The following PRKACB variants were observed in gnomAD, a reference collection of about 807,000 sequenced individuals.
The protein encoded by PRKACB is cAMP-dependent protein kinase catalytic subunit beta.
PRKACB carries 16 observed loss-of-function variants against 51.4 expected under a neutral mutation model. The observed-to-expected ratio is 0.31, with a 90% CI of 0.21 to 0.47. PRKACB has a LOEUF of 0.47. Ranked by LOEUF, PRKACB falls within the 20% of genes least tolerant of loss-of-function variation. The pLI is 1.00. For missense variants in PRKACB, 309 were observed against 464.5 expected, an observed-to-expected ratio of 0.67 and a Z score of 3.08; for synonymous variants, 147 against 154.4, an observed-to-expected ratio of 0.95 and a Z score of 0.35.
chr1:84,196,491 C>T, intron 5 of PRKACB, 125 bp from the exon 6 acceptor site: 1 of 948,068 alleles, frequency 1.1e-6, no homozygotes, highest in Non-Finnish European at 1.5e-6. Context: ...TCTTTACATA[C>T]TTTTTAAAAA....
At chr1:84,167,397 A>G (rs1027794366) in intron 1 of PRKACB, among the ~76,000 whole-genome samples, 4 of 151,546 alleles carry the variant, frequency 2.6e-5, no homozygotes, top group African/African-American at 9.7e-5. Context: ...GCCATACTAT[A>G]TTACATATAA....
At chr1:84,232,433 A>G (rs947165618) in intron 9 of PRKACB, among the ~76,000 whole-genome samples, 21 of 152,188 alleles carry the variant, frequency 1.4e-4, no homozygotes, top group African/African-American at 5.1e-4. Context: ...GATGTCTATT[A>G]GGTCCACTTG....
chr1:84,084,827 C>T (rs1037565472), intron 1 of PRKACB, among the ~76,000 whole-genome samples: 4 of 152,030 alleles, frequency 2.6e-5, no homozygotes, highest in African/African-American at 4.8e-5. Flanking sequence ...TTACTGAACT[C>T]GGGATACCCG....
At chr1:84,234,351 T>A (rs1676326130) in intron 9 of PRKACB, among the ~76,000 whole-genome samples, 1 of 152,164 alleles carries the variant, frequency 6.6e-6, no homozygotes, top group Admixed American at 6.5e-5. Context: ...TCTGCAGAGG[T>A]TACTGCTGTC....
rs565035709 is a variant in PRKACB at position 84,162,149 on chromosome 1, A to G, written c.188-17028A>G. Among the ~76,000 whole-genome samples, 9 of 152,046 alleles carry G rather than the reference A, an allele frequency of 5.9e-5. No homozygotes were observed. In the South Asian group the frequency reaches 1.9e-3, roughly 32 times the overall value. ...CTGCCTTCTGGCCCTACTTATTTCT[A>G]ATGAGAAGTCATTAATCATATTTTT... is the stretch of plus-strand genomic sequence containing the variant. On this transcript the variant is annotated intron_variant, in intron 1 of 9. Coordinates refer to ENST00000370685, the MANE Select transcript of PRKACB (RefSeq NM_182948.4).
chr1:84,085,432 A>G lies in PRKACB; in HGVS notation c.46+7061A>G, dbSNP rs1387868135. On this transcript the variant is annotated intron_variant, in intron 1 of 8. Coordinates refer to the PRKACB transcript ENST00000370688. ...AATCTCCAAGTGACGGTATAAAATC[A>G]AGAGGGATGGATTGGATAATGACAC... Among the ~76,000 whole-genome samples the G allele has an allele frequency of 2.0e-5, 3 of 152,224 alleles. No individual in the cohort carries two copies. In the East Asian group the frequency reaches 5.8e-4, roughly 29 times the overall value.
intron 1 of PRKACB, among the ~76,000 whole-genome samples, chr1:84,108,568 C>G (rs1003320843): frequency 6.6e-6 from 1 of 151,766 alleles, no homozygotes; most frequent in Non-Finnish European, 1.5e-5. Flanking sequence ...TACCAGACAC[C>G]ATTATAAGTG....
chr1:84,123,774 A>G (rs1332145926), intron 1 of PRKACB, among the ~76,000 whole-genome samples: 1 of 152,208 alleles, frequency 6.6e-6, no homozygotes, highest in Admixed American at 6.5e-5. Context: ...CATGTGAAAC[A>G]CTTAGAATGA....
intron 1 of PRKACB, among the ~76,000 whole-genome samples, chr1:84,115,884 C>T (rs1189120489): frequency 2.4e-4 from 5 of 20,712 alleles, no homozygotes; most frequent in East Asian, 2.0e-3. Flanking sequence ...AAACTCTTGT[C>T]TCAAAAAAAA....
intron 5 of PRKACB, among the ~76,000 whole-genome samples, chr1:84,195,095 G>T (rs1019026538): frequency 1.3e-5 from 2 of 152,038 alleles, no homozygotes; most frequent in African/African-American, 2.4e-5. Flanking sequence ...AAAGTAAGAG[G>T]GGACCTCCCA....
chr1:84,134,011 A>C (rs947321697), intron 1 of PRKACB, among the ~76,000 whole-genome samples: 2 of 152,196 alleles, frequency 1.3e-5, no homozygotes, highest in African/African-American at 4.8e-5. Context: ...TGCTGATGGA[A>C]GTGGCTCTCA....
intron 1 of PRKACB, among the ~76,000 whole-genome samples, chr1:84,083,958 T>C (rs1434252191): frequency 6.6e-6 from 1 of 152,174 alleles, no homozygotes; most frequent in African/African-American, 2.4e-5. Context: ...AAAGATTGAA[T>C]AGGACAGAGT....
In PRKACB at chr1:84,184,250, G is replaced by T. The variant is rs574771521; in HGVS notation, c.477+115G>T. On this transcript the variant is annotated intron_variant, in intron 4 of 9. Coordinates refer to ENST00000370685, the MANE Select transcript of PRKACB (RefSeq NM_182948.4). ...CCTGAAGAATATGAATAAACAAAAC[G>T]AATACCTCTAGAGTTTGTGTAATTA... is the stretch of plus-strand genomic sequence containing the variant. The T allele has an allele frequency of 2.7e-5, 23 of 849,886 alleles. No individual in the cohort carries two copies. In the African/African-American group the frequency reaches 3.9e-4, roughly 14 times the overall value. The allele number at this position is 849,886 out of a possible 1,614,324, so 52.6% of individuals were successfully genotyped here. A position where few individuals can be genotyped will look rare whatever the true frequency, so the allele number is the denominator to read the frequency against.
chr1:84,130,378 C>T (rs1277263469), intron 1 of PRKACB, among the ~76,000 whole-genome samples: 1 of 151,908 alleles, frequency 6.6e-6, no homozygotes, highest in Admixed American at 6.6e-5. Flanking sequence ...CAACAATGAC[C>T]AAACAAGTAC....
intron 1 of PRKACB, chr1:84,164,672 C>G: frequency 7.2e-7 from 1 of 1,394,602 alleles, no homozygotes; most frequent in Non-Finnish European, 9.3e-7. Flanking sequence ...CTTATACATC[C>G]TGGTTCGAAC....
At chr1:84,225,910 A>T (rs1163184275) in intron 9 of PRKACB, among the ~76,000 whole-genome samples, 3 of 152,088 alleles carry the variant, frequency 2.0e-5, no homozygotes, top group African/African-American at 7.2e-5. Flanking sequence ...GCTAAATTTC[A>T]GTGTTCTCTC....
intron 5 of PRKACB, among the ~76,000 whole-genome samples, chr1:84,195,479 C>T (rs1667955646): frequency 6.6e-6 from 1 of 152,158 alleles, no homozygotes; most frequent in Non-Finnish European, 1.5e-5. Flanking sequence ...ATCTGAAAGT[C>T]ATTGTTATTT....
At chr1:84,163,658 G>A (rs1389030806) in intron 1 of PRKACB, among the ~76,000 whole-genome samples, 3 of 151,932 alleles carry the variant, frequency 2.0e-5, no homozygotes, top group South Asian at 2.1e-4. Flanking sequence ...TCAGTGGTTC[G>A]TCACAAATAA....
intron 1 of PRKACB, among the ~76,000 whole-genome samples, chr1:84,138,402 A>C (rs1653042489): frequency 6.6e-6 from 1 of 152,248 alleles, no homozygotes; most frequent in Admixed American, 6.5e-5. Flanking sequence ...ACTTTATTAC[A>C]CAAAGTTGAC....
Sources: gnomAD v4.1 joint callset for allele counts (sites outside exome capture counted in the v4.1 genomes callset) on GRCh38, gnomAD v4.1.1 for gene constraint, MANE v1.5 for transcripts, NCBI Gene and HGNC (gene_info 2026-07-23, HGNC 2026-07-21) for gene names.